MYO1D: variants seen among roughly 807,000 people sequenced by gnomAD.
MYO1D encodes the protein myosin ID, also known as unconventional myosin-Id.
In MYO1D, 83 loss-of-function variants were observed where a neutral mutation model predicts 122.0. The ratio of observed to expected loss-of-function variants is 0.68; its 90% CI spans 0.57 to 0.82. The LOEUF (loss-of-function observed/expected upper bound fraction) is 0.82, where lower values mean the gene tolerates loss of function less well. MYO1D is among the 40% of genes least tolerant of loss of function. The probability of loss-of-function intolerance (pLI) is 0.00; values close to 1 mark genes in which losing one functional copy is unlikely to be tolerated. For missense variants in MYO1D, 1,157 were observed against 1,269.5 expected (o/e 0.91, Z 1.35); for synonymous variants, 464 against 446.9 (o/e 1.04, Z -0.48).
At chr17:32,529,339 C>T (rs772514419) in intron 21 of MYO1D, among the ~76,000 whole-genome samples, 1 of 151,360 alleles carries the variant, frequency 6.6e-6, no homozygotes, top group African/African-American at 2.4e-5. Flanking sequence ...TGAGGTGTCC[C>T]TCCAGAGACG....
chr17:32,492,880 G>C lies in MYO1D; in HGVS notation c.*1879C>G, dbSNP rs528726789. The C allele has an allele frequency of 6.6e-6, 1 of 152,638 alleles. No individual in the cohort carries two copies. Among genetic ancestry groups the C allele is most frequent in the Non-Finnish European group, 1.5e-5 (1 of 68,036 alleles). 9.5% of individuals were successfully genotyped at this position (152,638 alleles called of 1,614,324 possible). A position where few individuals can be genotyped will look rare whatever the true frequency, so the allele number is the denominator to read the frequency against. On this transcript the variant is annotated 3_prime_UTR_variant, in exon 22 of 22. Coordinates refer to ENST00000318217, the MANE Select transcript of MYO1D (RefSeq NM_015194.3). ...ATCATAAAAAAGTGCTTGTCCTGTG[G>C]CCTCAGCTGGGAGGCCCTGGCGCTG...
At chr17:32,631,551 G>C (rs2150933676) in intron 20 of MYO1D, among the ~76,000 whole-genome samples, 1 of 152,186 alleles carries the variant, frequency 6.6e-6, no homozygotes, top group African/African-American at 2.4e-5. Flanking sequence ...GAAGGCTGAG[G>C]AGACAGGAAT....
intron 4 of MYO1D, among the ~76,000 whole-genome samples, chr17:32,774,222 G>A (rs1025883862): frequency 1.3e-5 from 2 of 152,046 alleles, no homozygotes; most frequent in East Asian, 1.9e-4. Context: ...TTCTTTATCC[G>A]ACCTCTCCCA....
Position 32,605,062 on chromosome 17 carries a change from C to T in MYO1D, c.2864+25G>A, listed in dbSNP as rs569100077. On this transcript the variant is annotated intron_variant, in intron 21 of 21. Coordinates refer to ENST00000318217, the MANE Select transcript of MYO1D (RefSeq NM_015194.3). ...AAGATTTCATAGATTTAAAACGTGT[C>T]TTAGTTACAAAAATCAAACTTTACC... The T allele has an allele frequency of 2.6e-6, 4 of 1,555,324 alleles. No homozygotes were observed. The Admixed American group carries it at 5.2e-5, about 20-fold the overall frequency.
intron 21 of MYO1D, among the ~76,000 whole-genome samples, chr17:32,544,855 AATAT>A (rs2086952628): frequency 6.6e-6 from 1 of 152,164 alleles, no homozygotes; most frequent in Non-Finnish European, 1.5e-5. Context: ...TTCTAAGCAT[AATAT>A]ATATATGGCC....
intron 21 of MYO1D, among the ~76,000 whole-genome samples, chr17:32,544,644 T>A (rs143684911): frequency 1.3e-5 from 2 of 152,330 alleles, no homozygotes; most frequent in East Asian, 3.9e-4. Flanking sequence ...TCAGGGATCC[T>A]GGGAAAATAT....
intron 1 of MYO1D, among the ~76,000 whole-genome samples, chr17:32,795,692 G>T (rs965263521): frequency 2.0e-5 from 3 of 151,934 alleles, no homozygotes; most frequent in Admixed American, 6.6e-5. Context: ...CTCAGGCCCA[G>T]TTCCAAGGTG....
intron 16 of MYO1D, among the ~76,000 whole-genome samples, chr17:32,684,756 G>T (rs1416488280): frequency 6.6e-6 from 1 of 152,176 alleles, no homozygotes; most frequent in African/African-American, 2.4e-5. Flanking sequence ...GACGGTTGAT[G>T]GTTCTACAGC....
chr17:32,538,553 G>A lies in MYO1D; in HGVS notation c.2865-43638C>T, dbSNP rs1262242558. On this transcript the variant is annotated intron_variant, in intron 21 of 21. Coordinates refer to ENST00000318217, the MANE Select transcript of MYO1D (RefSeq NM_015194.3). ...GGACTCAAGTGATCCTTGAGGCTTG[G>A]TGTCCAAAAGCATTGGGATTATAGG... Among the ~76,000 whole-genome samples the A allele has an allele frequency of 1.1e-4, 17 of 151,722 alleles. 1 individual carries two copies. Among genetic ancestry groups the A allele is most frequent in the Admixed American group, 1.1e-3 (17 of 15,232 alleles).
At chr17:32,661,447 G>C (rs1406968868) in intron 16 of MYO1D, among the ~76,000 whole-genome samples, 1 of 152,148 alleles carries the variant, frequency 6.6e-6, no homozygotes, top group Admixed American at 6.5e-5. Flanking sequence ...GAGCCTAAGA[G>C]TTTGAAACCA....
intron 11 of MYO1D, among the ~76,000 whole-genome samples, chr17:32,755,233 T>C (rs1459731354): frequency 6.6e-6 from 1 of 152,224 alleles, no homozygotes; most frequent in African/African-American, 2.4e-5. Flanking sequence ...AGAATCATGC[T>C]CATTTTTCCT....
At chr17:32,763,047 G>C (rs1368098385) in intron 8 of MYO1D, among the ~76,000 whole-genome samples, 2 of 151,302 alleles carry the variant, frequency 1.3e-5, no homozygotes, top group Non-Finnish European at 2.9e-5. Context: ...TTAGCTGGGC[G>C]TGGTGGCGGT....
intron 16 of MYO1D, among the ~76,000 whole-genome samples, chr17:32,665,326 T>C (rs2150957327): frequency 1.3e-5 from 2 of 152,242 alleles, no homozygotes; most frequent in East Asian, 3.9e-4. Flanking sequence ...TTATTTATGC[T>C]CTCTCCCACT....
chr17:32,869,863 G>A (rs2091163899), intron 1 of MYO1D, among the ~76,000 whole-genome samples: 1 of 152,136 alleles, frequency 6.6e-6, no homozygotes, highest in South Asian at 2.1e-4. Context: ...AGCTGGGGAA[G>A]TCAAGGCTGC....
chr17:32,632,584 TATACACACACACACACACACAC>T (rs1258621095), intron 20 of MYO1D: 1 of 98,600 alleles, frequency 1.0e-5, no homozygotes, highest in Non-Finnish European at 2.0e-5. Context: ...TATATATATA[TATACACACACACACACACACAC>T]ACACACACAC....
chr17:32,819,988 C>G (rs530451399), intron 1 of MYO1D, among the ~76,000 whole-genome samples: 1 of 152,286 alleles, frequency 6.6e-6, no homozygotes, highest in Admixed American at 6.5e-5. Flanking sequence ...GGTAAGCCCA[C>G]AGGTTGGTCA....
chr17:32,818,404 T>G (rs966505701), intron 1 of MYO1D, among the ~76,000 whole-genome samples: 3 of 152,046 alleles, frequency 2.0e-5, no homozygotes, highest in Non-Finnish European at 4.4e-5. Context: ...CAATAGTAGC[T>G]CCAGCCCAGT....
chr17:32,727,016 A>C (rs1472981022), intron 14 of MYO1D, among the ~76,000 whole-genome samples: 1 of 152,218 alleles, frequency 6.6e-6, no homozygotes, highest in Non-Finnish European at 1.5e-5. Flanking sequence ...CCACTATAAC[A>C]GTATTTAAGT....
chr17:32,818,105 G>A (rs1217181899), intron 1 of MYO1D, among the ~76,000 whole-genome samples: 4 of 81,912 alleles, frequency 4.9e-5, no homozygotes, highest in Admixed American at 1.4e-4. Context: ...CAGCCTGGGC[G>A]ACAGAGCGAG....
Sources: allele counts gnomAD v4.1 joint callset (sites outside exome capture counted in the v4.1 genomes callset), GRCh38; gene constraint gnomAD v4.1.1; transcripts MANE v1.5; gene names NCBI Gene and HGNC (gene_info 2026-07-23, HGNC 2026-07-21).